Variants in LARGE1 observed in about 807,000 individuals in gnomAD.
LARGE1 encodes xylosyl- and glucuronyltransferase LARGE1.
In LARGE1, 43 loss-of-function variants were observed where a neutral mutation model predicts 87.6. The observed-to-expected ratio is 0.49, with a 90% CI of 0.38 to 0.63. LARGE1 has a LOEUF of 0.63. LARGE1 is among the 30% of genes least tolerant of loss of function. The pLI is 0.00. For missense variants in LARGE1, 802 were observed against 1,000.2 expected, an observed-to-expected ratio of 0.80 and a Z score of 2.67; for synonymous variants, 434 against 394.6, an observed-to-expected ratio of 1.10 and a Z score of -1.18.
At chr22:33,373,197 G>C (rs1344211409) in intron 9 of LARGE1, among the ~76,000 whole-genome samples, 1 of 152,152 alleles carries the variant, frequency 6.6e-6, no homozygotes, top group East Asian at 1.9e-4. Flanking sequence ...CCTAAAGATT[G>C]AGCTTTGCTA....
At chr22:33,865,795 C>T (rs1316633019) in intron 1 of LARGE1, among the ~76,000 whole-genome samples, 4 of 129,062 alleles carry the variant, frequency 3.1e-5, no homozygotes, top group South Asian at 2.7e-4. Context: ...TTAAAAAATA[C>T]TCAGTATATA....
chr22:33,751,697 T>G (rs2084322369), intron 2 of LARGE1, among the ~76,000 whole-genome samples: 1 of 152,112 alleles, frequency 6.6e-6, no homozygotes, highest in Non-Finnish European at 1.5e-5. Context: ...TGTGTATGTC[T>G]TCTTTTGCTC....
At position 33,228,232 on chromosome 22, in the gene LARGE1, C is replaced by G. The variant is rs546888220; in HGVS notation, c.1731-61400G>C. Among the ~76,000 whole-genome samples the G allele has an allele frequency of 1.4e-3, 209 of 152,334 alleles. 3 individuals are homozygous for G. The highest frequency in any genetic ancestry group is 4.7e-3 in the African/African-American group (196 of 41,588). ...CATAGGTAAGAGCTCAATGAATGTTCTTTGTTATTATTTGCCAACCATAAC... is the reference window on the plus strand; with the variant it reads ...CATAGGTAAGAGCTCAATGAATGTTGTTTGTTATTATTTGCCAACCATAAC... On this transcript the variant is annotated intron_variant, in intron 11 of 11. Coordinates refer to the LARGE1 transcript ENST00000608642.
the LARGE1 span, among the ~76,000 whole-genome samples, chr22:33,118,569 C>G: frequency 6.6e-6 from 1 of 151,710 alleles, no homozygotes; most frequent in Non-Finnish European, 1.5e-5. Flanking sequence ...AAGGACAATT[C>G]CCACCCACAG....
chr22:33,746,072 A>G (rs1242432078), intron 2 of LARGE1, among the ~76,000 whole-genome samples: 1 of 152,204 alleles, frequency 6.6e-6, no homozygotes, highest in Non-Finnish European at 1.5e-5. Context: ...CATCTGCACA[A>G]TAAGAATATC....
intron 12 of LARGE1, among the ~76,000 whole-genome samples, chr22:33,295,124 T>C (rs558989580): frequency 1.4e-4 from 22 of 152,186 alleles, no homozygotes; most frequent in Admixed American, 1.2e-3. Flanking sequence ...CAGACGGTCA[T>C]GCACTCATAT....
chr22:33,909,117 A>G (rs1445994429), intron 1 of LARGE1, among the ~76,000 whole-genome samples: 1 of 152,210 alleles, frequency 6.6e-6, no homozygotes, highest in Non-Finnish European at 1.5e-5. Context: ...CCCCAAGCCA[A>G]GCCAAAGGAG....
intron 6 of LARGE1, among the ~76,000 whole-genome samples, chr22:33,458,333 T>C (rs1488307383): frequency 6.6e-6 from 1 of 152,178 alleles, no homozygotes; most frequent in East Asian, 1.9e-4. Flanking sequence ...CTCGATCTCC[T>C]GACCTCATGA....
intron 6 of LARGE1, among the ~76,000 whole-genome samples, chr22:33,512,553 A>G (rs1462707716): frequency 1.3e-5 from 2 of 152,268 alleles, no homozygotes; most frequent in African/African-American, 4.8e-5. Flanking sequence ...CTGTAATCCC[A>G]GCACTTTGGG....
At chr22:33,787,020 C>CTAA in intron 1 of LARGE1, among the ~76,000 whole-genome samples, 1 of 77,106 alleles carries the variant, frequency 1.3e-5, no homozygotes, top group South Asian at 4.4e-4. Flanking sequence ...GACTCCATTT[C>CTAA]AAAAAAAAAA....
chr22:33,079,644 A>G, the LARGE1 span, among the ~76,000 whole-genome samples: 2 of 152,146 alleles, frequency 1.3e-5, no homozygotes, highest in East Asian at 3.9e-4. Flanking sequence ...ATTTGTTTTC[A>G]AGTGTCTCTA....
chr22:33,890,269 G>C (rs997881056), intron 1 of LARGE1, among the ~76,000 whole-genome samples: 1 of 152,208 alleles, frequency 6.6e-6, no homozygotes, highest in African/African-American at 2.4e-5. Context: ...TCAGATGCAA[G>C]GCGGGGCTCA....
rs1015897502 is a variant in LARGE1 at position 33,267,108 on chromosome 22, C to T, written c.1730+37121G>A. Among the ~76,000 whole-genome samples, 8 of 151,644 alleles carry T rather than the reference C, an allele frequency of 5.3e-5. 1 individual carries two copies. The highest frequency in any genetic ancestry group is 1.9e-4 in the East Asian group (1 of 5,176). On this transcript the variant is annotated intron_variant, in intron 11 of 11. Transcript: ENST00000608642. ...CACAAAAATTAGCCGGGTGTGGTGG[C>T]GTTCGCCTGTAATCCCAGCTACTCA...
chr22:33,867,771 T>C (rs977139231), intron 1 of LARGE1, among the ~76,000 whole-genome samples: 5 of 152,174 alleles, frequency 3.3e-5, no homozygotes, highest in Admixed American at 1.3e-4. Flanking sequence ...AAATAGTGCA[T>C]GCTTCACAAC....
At chr22:33,646,072 C>T (rs1251358353) in intron 3 of LARGE1, among the ~76,000 whole-genome samples, 1 of 152,038 alleles carries the variant, frequency 6.6e-6, no homozygotes, top group Non-Finnish European at 1.5e-5. Context: ...ACCATTTGAC[C>T]CAGCAATCTA....
chr22:33,761,256 A>G lies in LARGE1; in HGVS notation c.106+115T>C, dbSNP rs1010300480. The G allele has an allele frequency of 6.7e-6, 6 of 890,590 alleles. No homozygotes were observed. The African/African-American group carries it at 9.8e-5, about 15-fold the overall frequency. The allele number at this position is 890,590 out of a possible 1,614,324, so 55.2% of individuals were successfully genotyped here. On this transcript the variant is annotated intron_variant, in intron 2 of 14. Coordinates refer to ENST00000397394, the MANE Select transcript of LARGE1 (RefSeq NM_133642.5). ...TGTGATTCTAGACAAGTCACTTCCC[A>G]TGACTGGAAATACATATTCCTATTA...
chr22:33,394,998 T>C (rs1051348233), intron 7 of LARGE1, among the ~76,000 whole-genome samples: 1 of 151,862 alleles, frequency 6.6e-6, no homozygotes, highest in Non-Finnish European at 1.5e-5. Context: ...AGGCCAAGGC[T>C]GGCAGATCAC....
chr22:33,796,000 A>G (rs890408869), intron 1 of LARGE1, among the ~76,000 whole-genome samples: 7 of 151,692 alleles, frequency 4.6e-5, no homozygotes, highest in Admixed American at 1.3e-4. Flanking sequence ...AAGTATTAAA[A>G]AAAAAAAAAA....
At chr22:33,736,364 G>T (rs1455553894) in intron 2 of LARGE1, among the ~76,000 whole-genome samples, 1 of 152,130 alleles carries the variant, frequency 6.6e-6, no homozygotes, top group African/African-American at 2.4e-5. Context: ...TTGTGGTTTT[G>T]ATTTGCATTT....
Sources: gnomAD v4.1 joint callset for allele counts (sites outside exome capture counted in the v4.1 genomes callset) on GRCh38, gnomAD v4.1.1 for gene constraint, MANE v1.5 for transcripts, NCBI Gene and HGNC (gene_info 2026-07-23, HGNC 2026-07-21) for gene names.